Variants in DTNA observed in about 807,000 individuals in gnomAD.
The protein encoded by DTNA is dystrophin-related protein 3.
In DTNA, 43 loss-of-function variants were observed where a neutral mutation model predicts 100.7. The observed-to-expected ratio is 0.43, with a 90% CI of 0.33 to 0.55. The LOEUF is 0.55. Among genes scored for constraint, DTNA ranks in the 20% least tolerant of loss-of-function variants. The pLI, the probability that DTNA is intolerant of heterozygous loss-of-function variation, is 0.04. For missense variants in DTNA, 798 were observed against 953.9 expected, an observed-to-expected ratio of 0.84 and a Z score of 2.15; for synonymous variants, 349 against 347.9, an observed-to-expected ratio of 1.00 and a Z score of -0.04.
chr18:34,881,071 G>A (rs1440128279), intron 20 of DTNA, among the ~76,000 whole-genome samples: 1 of 152,166 alleles, frequency 6.6e-6, no homozygotes, highest in Non-Finnish European at 1.5e-5. Flanking sequence ...TCAGGAGTTA[G>A]GGAAGGAAAG....
intron 1 of DTNA, among the ~76,000 whole-genome samples, chr18:34,620,967 A>G (rs1488525593): frequency 6.6e-6 from 1 of 152,076 alleles, no homozygotes; most frequent in Non-Finnish European, 1.5e-5. Flanking sequence ...GAGCAATTGC[A>G]TAAAATACCA....
At chr18:34,847,111 A>G (rs2096393782) in intron 13 of DTNA, among the ~76,000 whole-genome samples, 1 of 152,176 alleles carries the variant, frequency 6.6e-6, no homozygotes, top group South Asian at 2.1e-4. Context: ...TGCTATTGGT[A>G]TGTTTCATAG....
chr18:34,726,751 C>G (rs2086787963), intron 1 of DTNA, among the ~76,000 whole-genome samples: 1 of 152,226 alleles, frequency 6.6e-6, no homozygotes. Flanking sequence ...GAGTTGAGTG[C>G]CTGTGGCTTT....
Position 34,811,973 on chromosome 18 carries a change from A to G in DTNA, c.463A>G (p.Ile155Val). Residue 155 changes from isoleucine to valine, a missense_variant, in exon 6 of 23, where the codon ATT becomes GTT. By Grantham distance (29) the Ile-to-Val change is conservative. This residue lies in a region of DTNA where 197 missense variants were observed against 215.4 expected (regional missense o/e 0.91). Transcript: ENST00000444659. ...MDKLRYIFSM[I>V]SDSSGVMVYG... ...CCTTTCATCAGATATTTTCTCAATG[A>G]TTTCTGACTCCAGTGGGGTGATGGT... The G allele has an allele frequency of 6.2e-7, 1 of 1,613,958 alleles. No individual in the cohort carries two copies. Among genetic ancestry groups the G allele is most frequent in the South Asian group, 1.1e-5 (1 of 91,062 alleles).
chr18:34,817,605 G>T (rs1324631048), intron 7 of DTNA, among the ~76,000 whole-genome samples: 1 of 152,132 alleles, frequency 6.6e-6, no homozygotes, highest in East Asian at 1.9e-4. Flanking sequence ...TTTGTCAGAT[G>T]TAGGCAACAC....
intron 1 of DTNA, among the ~76,000 whole-genome samples, chr18:34,600,507 G>T (rs1417891434): frequency 6.6e-6 from 1 of 152,118 alleles, no homozygotes. Context: ...TCACAGTTCA[G>T]GAATACAGAT....
intron 1 of DTNA, among the ~76,000 whole-genome samples, chr18:34,664,470 G>A (rs927892769): frequency 1.9e-4 from 29 of 152,264 alleles, no homozygotes; most frequent in African/African-American, 7.0e-4. Context: ...GAAAGGTGGG[G>A]TAGGTTAATG....
chr18:34,773,824 G>A (rs2093906835), intron 3 of DTNA, among the ~76,000 whole-genome samples: 1 of 152,180 alleles, frequency 6.6e-6, no homozygotes, highest in African/African-American at 2.4e-5. Context: ...TTAAAGTCCT[G>A]ATGATTATGA....
At chr18:34,731,731 G>A (rs1400899679) in intron 1 of DTNA, among the ~76,000 whole-genome samples, 1 of 152,182 alleles carries the variant, frequency 6.6e-6, no homozygotes, top group East Asian at 1.9e-4. Context: ...AACTGTTTCT[G>A]TCTTGTTTAC....
At chr18:34,670,058 G>C (rs547837901) in intron 1 of DTNA, among the ~76,000 whole-genome samples, 39 of 152,260 alleles carry the variant, frequency 2.6e-4, no homozygotes, top group African/African-American at 9.4e-4. Flanking sequence ...TCACTTTCAG[G>C]TATACCAACC....
At chr18:34,596,857 C>CT (rs1036992241) in intron 1 of DTNA, among the ~76,000 whole-genome samples, 2 of 151,972 alleles carry the variant, frequency 1.3e-5, no homozygotes, top group East Asian at 3.9e-4. Flanking sequence ...CCTAACAGTT[C>CT]TTTTTTTTAA....
intron 3 of DTNA, among the ~76,000 whole-genome samples, chr18:34,778,557 A>G (rs1446318056): frequency 1.3e-5 from 2 of 152,136 alleles, no homozygotes; most frequent in Non-Finnish European, 2.9e-5. Context: ...TTTTCTCATC[A>G]TCGCAAACAA....
chr18:34,643,818 A>C (rs1020174639), intron 1 of DTNA, among the ~76,000 whole-genome samples: 1 of 152,192 alleles, frequency 6.6e-6, no homozygotes, highest in African/African-American at 2.4e-5. Context: ...CAGCAATCAG[A>C]TTGTATATTC....
At chr18:34,745,875 A>G (rs2091487727) in intron 1 of DTNA, among the ~76,000 whole-genome samples, 1 of 152,180 alleles carries the variant, frequency 6.6e-6, no homozygotes. Flanking sequence ...GGTGGGGTCC[A>G]TACCTTCATC....
intron 1 of DTNA, among the ~76,000 whole-genome samples, chr18:34,690,310 G>A (rs1008781369): frequency 3.3e-5 from 5 of 152,302 alleles, no homozygotes; most frequent in African/African-American, 4.8e-5. Context: ...CAAAGACCAT[G>A]GGAAAAGGGT....
chr18:34,776,793 C>T (rs2094076833), intron 3 of DTNA, among the ~76,000 whole-genome samples: 1 of 152,212 alleles, frequency 6.6e-6, no homozygotes, highest in Non-Finnish European at 1.5e-5. Flanking sequence ...CAGTTGGCTC[C>T]ACTGGATCAA....
chr18:34,748,383 G>A (rs1026959503), intron 1 of DTNA, among the ~76,000 whole-genome samples: 1 of 152,002 alleles, frequency 6.6e-6, no homozygotes, highest in Non-Finnish European at 1.5e-5. Context: ...TATTTGCCTA[G>A]GTTAAAGTCT....
Position 34,882,133 on chromosome 18 carries a change from C to T in DTNA, c.2227C>T (p.Arg743Trp), listed in dbSNP as rs774768713. 40 of 1,613,844 alleles carry T rather than the reference C, an allele frequency of 2.5e-5. No individual in the cohort carries two copies. Among genetic ancestry groups the T allele is most frequent in the Admixed American group, 5.0e-5 (3 of 59,970 alleles). ...TGAAAACTATGAAAATGACTCTGTC[C>T]GGCAGCTGGAGAATGAGCTCCAGAT... The part of the protein sequence containing the change: ...EDENYENDSV[R>W]QLENELQMEE... The change falls in exon 21 of 23, where the codon CGG becomes TGG. Residue 743 changes from arginine to tryptophan, a missense_variant. By Grantham distance (101) the Arg-to-Trp change is moderately radical. Transcript: ENST00000444659.
chr18:34,615,382 G>A, intron 1 of DTNA, among the ~76,000 whole-genome samples: 1 of 151,832 alleles, frequency 6.6e-6, no homozygotes, highest in East Asian at 1.9e-4. Flanking sequence ...GATTATGGGG[G>A]ACAAACATGC....
Sources: allele counts gnomAD v4.1 joint callset (sites outside exome capture counted in the v4.1 genomes callset), GRCh38; gene constraint gnomAD v4.1.1; regional missense constraint gnomAD v4.1.1; transcripts MANE v1.5; gene names NCBI Gene and HGNC (gene_info 2026-07-23, HGNC 2026-07-21).